The following NR1I2 variants were observed in gnomAD, a reference collection of about 807,000 sequenced individuals.
The protein encoded by NR1I2 is orphan nuclear receptor PAR1.
A neutral mutation model predicts 43.3 loss-of-function variants in NR1I2; 42 were observed. The ratio of observed to expected loss-of-function variants is 0.97; its 90% CI spans 0.76 to 1.26. The LOEUF (loss-of-function observed/expected upper bound fraction) is 1.26, where lower values mean the gene tolerates loss of function less well. Among genes scored for constraint, NR1I2 ranks in the 50% most tolerant of loss-of-function variants. NR1I2 has a pLI of 0.00. For missense variants in NR1I2, 559 were observed against 566.7 expected (o/e 0.99, Z 0.14); for synonymous variants, 229 against 215.0 (o/e 1.06, Z -0.57).
At chr3:119,801,022 C>G (rs2055072505) in intron 1 of NR1I2, among the ~76,000 whole-genome samples, 1 of 152,176 alleles carries the variant, frequency 6.6e-6, no homozygotes, top group African/African-American at 2.4e-5. Context: ...TCCACCTCCT[C>G]CCAGCTAAAT....
At chr3:119,807,539 G>C in intron 2 of NR1I2, 92 bp downstream of exon 2, 1 of 1,147,530 alleles carries the variant, frequency 8.7e-7, no homozygotes, top group Non-Finnish European at 1.3e-6. Flanking sequence ...CCCAGGTTCA[G>C]AGTGTGGGCT....
chr3:119,801,813 C>T (rs1336425993), intron 1 of NR1I2, among the ~76,000 whole-genome samples: 1 of 152,198 alleles, frequency 6.6e-6, no homozygotes, highest in Non-Finnish European at 1.5e-5. Context: ...AGGGCTCACT[C>T]ACACATCTGC....
intron 2 of NR1I2, 29 bp downstream of exon 2, chr3:119,807,476 G>A (rs774638586): frequency 2.1e-5 from 33 of 1,588,072 alleles, no homozygotes; most frequent in Admixed American, 8.3e-5. Context: ...CTTCACCCAC[G>A]TGCCACCACT....
chr3:119,783,284 A>G lies in NR1I2; in HGVS notation c.-23+984A>G, dbSNP rs62264680. Among the ~76,000 whole-genome samples the G allele has an allele frequency of 2.9e-3, 443 of 152,326 alleles. 2 individuals carry two copies. The highest frequency in any genetic ancestry group is 4.6e-3 in the Non-Finnish European group (312 of 68,030). On this transcript the variant is annotated intron_variant, in intron 1 of 8. Coordinates refer to ENST00000393716, the MANE Select transcript of NR1I2 (RefSeq NM_003889.4). ...GCTCACAGGCTAACTCTGGCCCACC[A>G]GCTGTTTTTATAAATGAAGCTTTAT... is the stretch of plus-strand genomic sequence containing the variant.
Position 119,791,689 on chromosome 3 carries a change from C to T in NR1I2, c.-23+9389C>T, listed in dbSNP as rs72554010. 4.1e-3 allele frequency: 1,419 copies of T among 346,032 alleles called. 7 individuals are homozygous for T. The highest frequency in any genetic ancestry group is 6.6e-3 in the Non-Finnish European group (1,171 of 177,528). The allele number at this position is 346,032 out of a possible 1,614,324, so 21.4% of individuals were successfully genotyped here. A position where few individuals can be genotyped will look rare whatever the true frequency, so the allele number is the denominator to read the frequency against. On this transcript the variant is annotated intron_variant, in intron 1 of 8. Transcript: ENST00000393716. ...CAGCACTTTGGGAGGCTGAGGCGGG[C>T]GGATCACTTGAGGTCAGGAGTTTGA...
intron 1 of NR1I2, among the ~76,000 whole-genome samples, chr3:119,791,237 A>G (rs889825253): frequency 1.3e-5 from 2 of 152,188 alleles, no homozygotes; most frequent in Non-Finnish European, 2.9e-5. Flanking sequence ...CATCCCTCAT[A>G]GGCCCCAGAA....
In NR1I2 at chr3:119,818,267, A is replaced by G. The variant is rs866942180; in HGVS notation, c.*1055A>G. The G allele has an allele frequency of 1.0e-6, 1 of 985,590 alleles. No homozygotes were observed. The highest frequency in any genetic ancestry group is 1.2e-6 in the Non-Finnish European group (1 of 829,944). The allele number at this position is 985,590 out of a possible 1,614,324, so 61.1% of individuals were successfully genotyped here. ...AACACACCGGAGAAGAACCATTTAC[A>G]TGCACCTTATATTTCTGTGTACACA... On this transcript the variant is annotated 3_prime_UTR_variant, in exon 9 of 9. Coordinates refer to ENST00000393716, the MANE Select transcript of NR1I2 (RefSeq NM_003889.4).
intron 2 of NR1I2, among the ~76,000 whole-genome samples, chr3:119,807,726 A>G (rs2055181529): frequency 6.6e-6 from 1 of 152,242 alleles, no homozygotes; most frequent in African/African-American, 2.4e-5. Flanking sequence ...AAAGATAAGG[A>G]ATTTGAAAAT....
chr3:119,804,833 CT>C (rs1180140991), intron 1 of NR1I2, among the ~76,000 whole-genome samples: 2 of 152,164 alleles, frequency 1.3e-5, no homozygotes, highest in East Asian at 3.9e-4. Flanking sequence ...TTCTTTTGAA[CT>C]TTTTTCCTTC....
chr3:119,817,254 C>A lies in NR1I2; in HGVS notation c.*42C>A, dbSNP rs780896161. On this transcript the variant is annotated 3_prime_UTR_variant, in exon 9 of 9. Transcript: ENST00000393716. ...GACACCTCCGAGAGGCAGCCAGACCCAGAGCCCTCTGAGCCGCCACTCCCG... is the reference window on the plus strand; with the variant it reads ...GACACCTCCGAGAGGCAGCCAGACCAAGAGCCCTCTGAGCCGCCACTCCCG... The A allele has an allele frequency of 1.2e-6, 2 of 1,611,018 alleles. No individual in the cohort carries two copies. Among genetic ancestry groups the A allele is most frequent in the South Asian group, 2.2e-5 (2 of 91,028 alleles).
chr3:119,803,349 A>AAGAGAG (rs3030842), intron 1 of NR1I2, among the ~76,000 whole-genome samples: 1 of 147,918 alleles, frequency 6.8e-6, no homozygotes, highest in African/African-American at 2.5e-5. Context: ...TCTGTCTCAA[A>AAGAGAG]AGAGAGAGAG....
rs369020372 is a variant in NR1I2, at chr3:119,812,219, C to G, written c.520-467C>G. Among the ~76,000 whole-genome samples the G allele has an allele frequency of 6.0e-4, 92 of 152,268 alleles. 1 individual carries two copies. Among genetic ancestry groups the G allele is most frequent in the African/African-American group, 1.9e-3 (81 of 41,544 alleles). On this transcript the variant is annotated intron_variant, in intron 4 of 8. Coordinates refer to ENST00000393716, the MANE Select transcript of NR1I2 (RefSeq NM_003889.4). ...CTTGATCCCAGCACATTAACTATGT[C>G]TGTGCTCTAAGTGCCCTCCTTCCCC...
intron 1 of NR1I2, among the ~76,000 whole-genome samples, chr3:119,796,476 T>C (rs2055001058): frequency 6.6e-6 from 1 of 152,220 alleles, no homozygotes; most frequent in African/African-American, 2.4e-5. Context: ...TGCTCCATTG[T>C]CCAGCCCTGA....
intron 1 of NR1I2, among the ~76,000 whole-genome samples, chr3:119,788,646 C>T (rs1049451606): frequency 6.6e-6 from 1 of 152,046 alleles, no homozygotes; most frequent in Non-Finnish European, 1.5e-5. Flanking sequence ...CTGTATTGCC[C>T]AGACTTGTCT....
At position 119,797,513 on chromosome 3, in the gene NR1I2, A is replaced by G. The variant is rs143158836; in HGVS notation, c.-22-9716A>G. 6.7e-3 allele frequency among the ~76,000 whole-genome samples: 1,020 copies of G among 152,304 alleles called. 11 individuals are homozygous for G. Among genetic ancestry groups the G allele is most frequent in the African/African-American group, 0.023 (973 of 41,546 alleles). On this transcript the variant is annotated intron_variant, in intron 1 of 8. Coordinates refer to ENST00000393716, the MANE Select transcript of NR1I2 (RefSeq NM_003889.4). ...AGGAAAGGGAAAACTGAGGAAATACAGACAATTATAGAGGAGAAAATGAAA... is the reference window on the plus strand; with the variant it reads ...AGGAAAGGGAAAACTGAGGAAATACGGACAATTATAGAGGAGAAAATGAAA...
chr3:119,782,480 C>T lies in NR1I2; in HGVS notation c.-23+180C>T, dbSNP rs187602809. ...GGGTGGAAAAAAAAAAGCATGAAAA[C>T]AATCACTTAATGTTGAGCCCCATTA... On this transcript the variant is annotated intron_variant, in intron 1 of 8. Transcript: ENST00000393716. 1.2e-3 allele frequency among the ~76,000 whole-genome samples: 189 copies of T among 152,142 alleles called. No homozygotes were observed. In the Middle Eastern group the frequency reaches 0.02, roughly 16 times the overall value.
chr3:119,802,162 T>C (rs1354577941), intron 1 of NR1I2, among the ~76,000 whole-genome samples: 1 of 152,048 alleles, frequency 6.6e-6, no homozygotes, highest in East Asian at 1.9e-4. Context: ...ACAGCTGTAA[T>C]GGGTTCTCTA....
intron 4 of NR1I2, among the ~76,000 whole-genome samples, chr3:119,812,218 T>C (rs143998610): frequency 4.6e-5 from 7 of 152,248 alleles, no homozygotes; most frequent in Non-Finnish European, 1.0e-4. Context: ...ATTAACTATG[T>C]CTGTGCTCTA....
At chr3:119,806,160 G>A (rs1293911825) in intron 1 of NR1I2, among the ~76,000 whole-genome samples, 1 of 152,204 alleles carries the variant, frequency 6.6e-6, no homozygotes, top group East Asian at 1.9e-4. Context: ...AGAATTTTGG[G>A]GATGGTAGTA....
Sources: allele counts gnomAD v4.1 joint callset (sites outside exome capture counted in the v4.1 genomes callset), GRCh38; gene constraint gnomAD v4.1.1; transcripts MANE v1.5; gene names NCBI Gene and HGNC (gene_info 2026-07-23, HGNC 2026-07-21).